Variants in RIN2 observed in about 807,000 individuals in gnomAD.
RIN2 encodes Ras and Rab interactor 2, also known as RAB5 interacting protein 2.
Under a neutral mutation model 78.0 loss-of-function variants are expected in RIN2, and 36 were observed. The ratio of observed to expected loss-of-function variants is 0.46; its 90% CI spans 0.35 to 0.61. The LOEUF is 0.61. Ranked by LOEUF, RIN2 falls within the 20% of genes least tolerant of loss-of-function variation. The pLI is 0.00. For missense variants in RIN2, 1,087 were observed against 1,159.7 expected (o/e 0.94, Z 0.91); for synonymous variants, 466 against 466.8 (o/e 1.00, Z 0.02).
chr20:19,859,313 G>A (rs1330895972), intron 2 of RIN2, among the ~76,000 whole-genome samples: 1 of 152,218 alleles, frequency 6.6e-6, no homozygotes, highest in Non-Finnish European at 1.5e-5. Flanking sequence ...AGAGAGGACT[G>A]CTGGGATTCA....
chr20:19,967,174 C>T (rs760410404), intron 7 of RIN2, among the ~76,000 whole-genome samples: 25 of 152,244 alleles, frequency 1.6e-4, no homozygotes, highest in Non-Finnish European at 3.1e-4. Flanking sequence ...ACCTGCTGTC[C>T]AGGACTGTTT....
chr20:19,909,076 C>A (rs2039349013), intron 3 of RIN2, among the ~76,000 whole-genome samples: 1 of 152,174 alleles, frequency 6.6e-6, no homozygotes, highest in Non-Finnish European at 1.5e-5. Flanking sequence ...GTTGGCCAGG[C>A]TGGTCTCAAA....
In RIN2 at chr20:19,975,777, A is replaced by G; in HGVS notation, c.1752A>G (p.Glu584=). 1 of 1,609,160 alleles carries G rather than the reference A, an allele frequency of 6.2e-7. No homozygotes were observed. Among genetic ancestry groups the G allele is most frequent in the Non-Finnish European group, 8.5e-7 (1 of 1,177,846 alleles). Residue 584 remains glutamate, a synonymous_variant, in exon 9 of 13, where the codon GAA becomes GAG. Coordinates refer to ENST00000255006, the MANE Select transcript of RIN2 (RefSeq NM_018993.4). This position sits in a 1 kb window ranked among gnomAD's most constrained non-coding sequence, Gnocchi z 4.9. ...LDPPIESLIP[E]DQIDVVLEKA... is the part of the protein sequence containing the mutation. ...CCCCCATCGAGTCGCTGATCCCTGA[A>G]GACCAAATAGGTAAGTACCCTCTTT...
chr20:20,001,195 T>C lies in RIN2; in HGVS notation c.*259T>C. The C allele has an allele frequency of 2.2e-6, 1 of 464,780 alleles. No individual in the cohort carries two copies. The highest frequency in any genetic ancestry group is 3.4e-5 in the East Asian group (1 of 28,994). 28.8% of individuals were successfully genotyped at this position (464,780 alleles called of 1,614,324 possible). On this transcript the variant is annotated 3_prime_UTR_variant, in exon 13 of 13. Transcript: ENST00000255006. ...AAGTGTCCTGAGATTGTTTGCTACC[T>C]ACCCCCAGTCAGGTTCTAGGTTGGC...
At chr20:19,868,169 T>C (rs2037566004) in intron 2 of RIN2, among the ~76,000 whole-genome samples, 1 of 152,208 alleles carries the variant, frequency 6.6e-6, no homozygotes, top group African/African-American at 2.4e-5. Flanking sequence ...TCTCCAACTT[T>C]CCCATATAAA....
intron 12 of RIN2, 143 bp from the exon 13 acceptor site, chr20:20,000,470 C>A: frequency 1.6e-6 from 1 of 641,738 alleles, no homozygotes; most frequent in Non-Finnish European, 2.7e-6. Flanking sequence ...CCTTGCCATT[C>A]GAAGCCTCGT....
intron 1 of RIN2, among the ~76,000 whole-genome samples, chr20:19,765,865 C>T (rs2033863072): frequency 6.6e-6 from 1 of 151,748 alleles, no homozygotes; most frequent in South Asian, 2.1e-4. Context: ...ACTTCATCCT[C>T]ATGGATGGCA....
chr20:19,992,336 C>T, intron 11 of RIN2, 37 bp downstream of exon 11: 2 of 1,513,186 alleles, frequency 1.3e-6, no homozygotes, highest in Non-Finnish European at 1.8e-6. Flanking sequence ...GAACTGGGTG[C>T]TATTTTTTTC....
In RIN2 at chr20:19,975,864, T is replaced by C; in HGVS notation, c.1762+77T>C. On this transcript the variant is annotated intron_variant, in intron 9 of 12. Transcript: ENST00000255006. The surrounding 1 kb of genome is among the most constrained non-coding windows in gnomAD (Gnocchi z 4.9). ...AGTGCAACCTATGTTTGTTATTTTT[T>C]ATGAAGTTTACTCCGAAGTTCAAAA... 1 of 1,375,332 alleles carries C rather than the reference T, an allele frequency of 7.3e-7. No homozygotes were observed. The highest frequency in any genetic ancestry group is 1.0e-6 in the Non-Finnish European group (1 of 988,494). 85.2% of individuals were successfully genotyped at this position (1,375,332 alleles called of 1,614,324 possible).
At chr20:19,837,690 T>A (rs1299072714) in intron 2 of RIN2, among the ~76,000 whole-genome samples, 1 of 152,148 alleles carries the variant, frequency 6.6e-6, no homozygotes, top group East Asian at 1.9e-4. Context: ...GATATACAGA[T>A]AACTATTTTT....
intron 8 of RIN2, among the ~76,000 whole-genome samples, chr20:19,972,335 T>C (rs1407788684): frequency 6.6e-6 from 1 of 152,164 alleles, no homozygotes; most frequent in Non-Finnish European, 1.5e-5. Flanking sequence ...AGCTCCAGTC[T>C]GATGGTCCAC....
intron 4 of RIN2, among the ~76,000 whole-genome samples, chr20:19,942,118 A>G (rs6112668): frequency 7.7e-5 from 11 of 142,984 alleles, no homozygotes; most frequent in African/African-American, 1.4e-4. Context: ...TCAAAAAAAA[A>G]AAAAGAAAGA....
At chr20:19,859,578 A>G (rs2037271158) in intron 2 of RIN2, among the ~76,000 whole-genome samples, 1 of 152,194 alleles carries the variant, frequency 6.6e-6, no homozygotes, top group Non-Finnish European at 1.5e-5. Context: ...CTTGAAATAT[A>G]ACTTTCCCTT....
intron 1 of RIN2, among the ~76,000 whole-genome samples, chr20:19,775,949 T>C (rs1051936426): frequency 6.6e-6 from 1 of 152,198 alleles, no homozygotes; most frequent in African/African-American, 2.4e-5. Context: ...ATAGAAATAC[T>C]AATACTAACA....
intron 3 of RIN2, among the ~76,000 whole-genome samples, chr20:19,922,435 G>A (rs2039962053): frequency 6.6e-6 from 1 of 152,100 alleles, no homozygotes; most frequent in Non-Finnish European, 1.5e-5. Context: ...TCTCAATTGA[G>A]GCCACTGTGC....
At chr20:19,878,930 A>G (rs368377173) in intron 2 of RIN2, among the ~76,000 whole-genome samples, 35 of 152,280 alleles carry the variant, frequency 2.3e-4, no homozygotes, top group Middle Eastern at 3.4e-3. Context: ...CTCCATGCTA[A>G]CCACACCTGC....
intron 1 of RIN2, among the ~76,000 whole-genome samples, chr20:19,791,522 AG>A (rs1188591199): frequency 6.6e-6 from 1 of 152,246 alleles, no homozygotes; most frequent in African/African-American, 2.4e-5. Flanking sequence ...AAGTGAGGAA[AG>A]CTTCATAAAA....
chr20:19,995,273 A>T (rs1006122360), intron 11 of RIN2, among the ~76,000 whole-genome samples: 3 of 151,360 alleles, frequency 2.0e-5, no homozygotes, highest in Non-Finnish European at 2.9e-5. Context: ...AAAAAAAAAA[A>T]AAAAACAAAA....
chr20:19,919,089 T>C (rs1415956192), intron 3 of RIN2, among the ~76,000 whole-genome samples: 1 of 152,192 alleles, frequency 6.6e-6, no homozygotes, highest in Non-Finnish European at 1.5e-5. Context: ...CCCAGGAAGC[T>C]GAGGTGGAGC....
Sources: gnomAD v4.1 joint callset for allele counts (sites outside exome capture counted in the v4.1 genomes callset) on GRCh38, gnomAD v4.1.1 for gene constraint, Gnocchi (gnomAD v3.1) non-coding constraint, MANE v1.5 for transcripts, NCBI Gene and HGNC (gene_info 2026-07-23, HGNC 2026-07-21) for gene names.